The following ANKRD30B variants were observed in gnomAD, a reference collection of about 807,000 sequenced individuals.
The protein encoded by ANKRD30B is ankyrin repeat domain 30B.
Under a neutral mutation model 202.2 loss-of-function variants are expected in ANKRD30B, and 144 were observed. The ratio of observed to expected loss-of-function variants is 0.71; its 90% CI spans 0.62 to 0.82. The LOEUF (loss-of-function observed/expected upper bound fraction) is 0.82. ANKRD30B is among the 40% of genes least tolerant of loss of function. The pLI is 0.00. For synonymous variants in ANKRD30B, 508 were observed against 561.3 expected, an observed-to-expected ratio of 0.91 and a Z score of 1.34; for missense variants, 1,487 against 1,669.1, an observed-to-expected ratio of 0.89 and a Z score of 1.90.
intron 16 of ANKRD30B, among the ~76,000 whole-genome samples, chr18:14,792,603 T>A (rs1448839341): frequency 1.3e-5 from 2 of 151,814 alleles, no homozygotes; most frequent in Non-Finnish European, 2.9e-5. Context: ...TCGGAAGCAT[T>A]TAGAATATTT....
At chr18:14,865,849 C>A in the ANKRD30B span, among the ~76,000 whole-genome samples, 9 of 152,180 alleles carry the variant, frequency 5.9e-5, 1 homozygote, top group East Asian at 7.7e-4. Flanking sequence ...TCCTCTAAGC[C>A]GGGCTCAGAG....
chr18:14,887,026 T>C, the ANKRD30B span, among the ~76,000 whole-genome samples: 262 of 152,258 alleles, frequency 1.7e-3, 2 homozygotes, highest in Non-Finnish European at 2.2e-3. Context: ...TATAAATGTA[T>C]TACCAAATAC....
intron 36 of ANKRD30B, among the ~76,000 whole-genome samples, chr18:14,839,112 A>G (rs536565549): frequency 1.0e-3 from 152 of 152,320 alleles, no homozygotes; most frequent in African/African-American, 3.6e-3. Flanking sequence ...TTTGAGTACC[A>G]ACTGTGTGCT....
chr18:14,849,012 C>T, intron 40 of ANKRD30B, 83 bp downstream of exon 40: 2 of 1,342,624 alleles, frequency 1.5e-6, no homozygotes, highest in Non-Finnish European at 1.9e-6. Context: ...GCTGACTTAC[C>T]TTCTGAGATT....
chr18:14,794,821 A>T (rs145017623), intron 16 of ANKRD30B, among the ~76,000 whole-genome samples: 5 of 152,198 alleles, frequency 3.3e-5, no homozygotes, highest in African/African-American at 1.2e-4. Context: ...TCCAAAGGAA[A>T]CAACATATAT....
intron 6 of ANKRD30B, among the ~76,000 whole-genome samples, chr18:14,762,360 T>C (rs1313059869): frequency 1.3e-5 from 2 of 152,152 alleles, no homozygotes; most frequent in African/African-American, 4.8e-5. Context: ...CATAAACAAA[T>C]GTCAGCAAGA....
intron 18 of ANKRD30B, among the ~76,000 whole-genome samples, chr18:14,796,692 G>T (rs922318383): frequency 6.6e-6 from 1 of 151,854 alleles, no homozygotes; most frequent in African/African-American, 2.4e-5. Context: ...GGATCGGCAG[G>T]TTGAGACATA....
chr18:14,751,250 T>C (rs1362657484), intron 1 of ANKRD30B, among the ~76,000 whole-genome samples: 2 of 152,028 alleles, frequency 1.3e-5, no homozygotes, highest in South Asian at 2.1e-4. Context: ...AAATGACAAA[T>C]ATAAGTGTTT....
the ANKRD30B span, chr18:14,888,678 A>T: frequency 1.9e-6 from 1 of 518,148 alleles, no homozygotes; most frequent in South Asian, 5.1e-5. Flanking sequence ...CCCTGCTGGA[A>T]CTGGTTCTTT....
At chr18:14,781,778 A>G (rs1212097165) in intron 11 of ANKRD30B, among the ~76,000 whole-genome samples, 2 of 152,206 alleles carry the variant, frequency 1.3e-5, no homozygotes, top group East Asian at 3.9e-4. Flanking sequence ...TTCTGTGAAC[A>G]GTTGCCACTA....
At chr18:14,907,332 A>C in the ANKRD30B span, among the ~76,000 whole-genome samples, 1 of 152,088 alleles carries the variant, frequency 6.6e-6, no homozygotes, top group Non-Finnish European at 1.5e-5. Context: ...AAAAGACATC[A>C]AATGATAGGG....
At position 14,760,496 on chromosome 18, in the gene ANKRD30B, A is replaced by AAAT. The variant is rs1430299810; in HGVS notation, c.756-57_756-55dup. On this transcript the variant is annotated intron_variant, in intron 5 of 43. Coordinates refer to ENST00000690538, the MANE Select transcript of ANKRD30B (RefSeq NM_001367607.2). ...ACTCTAAGAACTTAATAAATTTGGT[A>AAAT]AATGTTTTTTATATCTTGTTAAAAT... 9 of 974,458 alleles carry AAAT rather than the reference A, an allele frequency of 9.2e-6. No homozygotes were observed. In the African/African-American group the frequency reaches 1.5e-4, roughly 16 times the overall value. The allele number at this position is 974,458 out of a possible 1,614,324, so 60.4% of individuals were successfully genotyped here. A position where few individuals can be genotyped will look rare whatever the true frequency, so the allele number is the denominator to read the frequency against.
chr18:14,767,904 A>G (rs566700470), intron 7 of ANKRD30B, among the ~76,000 whole-genome samples: 32 of 152,342 alleles, frequency 2.1e-4, no homozygotes, highest in African/African-American at 7.5e-4. Flanking sequence ...AATCAAAACC[A>G]TGGATATTAT....
chr18:14,907,909 T>A, the ANKRD30B span, among the ~76,000 whole-genome samples: 2 of 110,914 alleles, frequency 1.8e-5, no homozygotes, highest in African/African-American at 6.9e-5. Context: ...TAGACTCCTT[T>A]GTAGAAAAGT....
chr18:14,772,224 C>G lies in ANKRD30B; in HGVS notation c.1325C>G (p.Thr442Ser). The G allele has an allele frequency of 6.7e-7, 1 of 1,496,830 alleles. No individual in the cohort carries two copies. The highest frequency in any genetic ancestry group is 9.0e-7 in the Non-Finnish European group (1 of 1,114,948). 92.7% of individuals were successfully genotyped at this position (1,496,830 alleles called of 1,614,324 possible). A position where few individuals can be genotyped will look rare whatever the true frequency, so the allele number is the denominator to read the frequency against. Residue 442 changes from threonine to serine, a missense_variant, in exon 9 of 44, where the codon ACC becomes AGC. This residue lies in a region of ANKRD30B where 889 missense variants were observed against 841.4 expected (regional missense o/e 1.06). Coordinates refer to ENST00000690538, the MANE Select transcript of ANKRD30B (RefSeq NM_001367607.2). ...TKVEEDFNLA[T>S]KIISKSAAQN... Reference sequence around the variant, plus strand: ...GTTGAGGAAGACTTTAATCTTGCTACCAAGGTAAAATGTTCTTTTGTGAAG... The same window carrying G: ...GTTGAGGAAGACTTTAATCTTGCTAGCAAGGTAAAATGTTCTTTTGTGAAG...
At chr18:14,843,510 T>G (rs1971505205) in intron 39 of ANKRD30B, among the ~76,000 whole-genome samples, 1 of 151,652 alleles carries the variant, frequency 6.6e-6, no homozygotes, top group Non-Finnish European at 1.5e-5. Flanking sequence ...TGTAGTCATT[T>G]GAAGCATCCT....
chr18:14,755,521 G>A (rs9675451), intron 4 of ANKRD30B, among the ~76,000 whole-genome samples: 60,667 of 151,710 alleles, frequency 0.4, 12,978 homozygotes, highest in Non-Finnish European at 0.49. Context: ...TTAGCATTAG[G>A]TATATCTCCT....
the ANKRD30B span, among the ~76,000 whole-genome samples, chr18:14,921,645 C>T: frequency 2.6e-5 from 4 of 152,284 alleles, no homozygotes; most frequent in Non-Finnish European, 4.4e-5. Context: ...AAGACAGCTC[C>T]TGTGTAAAGG....
the ANKRD30B span, among the ~76,000 whole-genome samples, chr18:14,932,807 T>G: frequency 1.3e-5 from 2 of 152,186 alleles, no homozygotes; most frequent in Admixed American, 6.5e-5. Flanking sequence ...CTCTCTTAAG[T>G]GCACCAGCAT....
Sources: gnomAD v4.1 joint callset for allele counts (sites outside exome capture counted in the v4.1 genomes callset) on GRCh38, gnomAD v4.1.1 for gene constraint, gnomAD v4.1.1 regional missense constraint, MANE v1.5 for transcripts, NCBI Gene and HGNC (gene_info 2026-07-23, HGNC 2026-07-21) for gene names.